Variants in PTPRT observed in about 807,000 individuals in gnomAD.
The protein encoded by PTPRT is receptor-type tyrosine-protein phosphatase T.
In PTPRT, 56 loss-of-function variants were observed where a neutral mutation model predicts 176.8. The ratio of observed to expected loss-of-function variants is 0.32; its 90% CI spans 0.26 to 0.40. The LOEUF is 0.40. Ranked by LOEUF, PTPRT falls within the 10% of genes least tolerant of loss-of-function variation. The pLI, the probability that PTPRT is intolerant of heterozygous loss-of-function variation, is 1.00. For synonymous variants in PTPRT, 783 were observed against 739.0 expected, an observed-to-expected ratio of 1.06 and a Z score of -0.96; for missense variants, 1,540 against 1,908.2, an observed-to-expected ratio of 0.81 and a Z score of 3.60.
chr20:42,332,456 C>T (rs2057979886), intron 11 of PTPRT, among the ~76,000 whole-genome samples: 1 of 152,096 alleles, frequency 6.6e-6, no homozygotes, highest in African/African-American at 2.4e-5. Flanking sequence ...GTGATTCTCC[C>T]ACCTGGGCTT....
intron 16 of PTPRT, among the ~76,000 whole-genome samples, chr20:42,197,828 G>T (rs377330554): frequency 6.6e-6 from 1 of 152,228 alleles, no homozygotes; most frequent in South Asian, 2.1e-4. Flanking sequence ...TCTAGGTAAA[G>T]GGTATATGAG....
At chr20:42,882,325 C>T (rs1057454456) in intron 2 of PTPRT, among the ~76,000 whole-genome samples, 3 of 152,132 alleles carry the variant, frequency 2.0e-5, no homozygotes, top group Non-Finnish European at 4.4e-5. Flanking sequence ...TTATCAAATG[C>T]CTCTATTTAG....
At chr20:42,843,001 G>A (rs548318900) in intron 2 of PTPRT, among the ~76,000 whole-genome samples, 1 of 152,130 alleles carries the variant, frequency 6.6e-6, no homozygotes, top group Non-Finnish European at 1.5e-5. Context: ...AGGGAGATAC[G>A]AACACCTAGA....
chr20:42,300,756 G>GTATTATTATTATTATTAT lies in PTPRT; in HGVS notation c.2139+14949_2139+14966dup, dbSNP rs533576322. 1.6e-3 allele frequency among the ~76,000 whole-genome samples: 244 copies of GTATTATTATTATTATTAT among 148,018 alleles called. 3 individuals are homozygous for GTATTATTATTATTATTAT. The highest frequency in any genetic ancestry group is 5.7e-3 in the African/African-American group (231 of 40,342). On this transcript the variant is annotated intron_variant, in intron 12 of 30. Coordinates refer to ENST00000373187, the MANE Select transcript of PTPRT (RefSeq NM_007050.6). ...TCATTTGGCAAACATCTTTTTATTT[G>GTATTATTATTATTATTAT]TATTATTATTATTATTATTATTATT...
chr20:43,091,459 T>TCC (rs1280138591), intron 1 of PTPRT, among the ~76,000 whole-genome samples: 5 of 146,874 alleles, frequency 3.4e-5, no homozygotes, highest in East Asian at 4.1e-4. Context: ...TCTCTCTCTC[T>TCC]CCCCCCTCTC....
rs576742476 is a variant in PTPRT, at chr20:43,141,994, G to T, written c.88+47652C>A. Among the ~76,000 whole-genome samples the T allele has an allele frequency of 1.1e-4, 16 of 152,288 alleles. No homozygotes were observed. In the South Asian group the frequency reaches 3.3e-3, roughly 32 times the overall value. On this transcript the variant is annotated intron_variant, in intron 1 of 30. Transcript: ENST00000373187. ...CACAGAAGAAAAAGCATGCGACGTG[G>T]AGTACAGAAGACTCAAGTCTAACCT...
Position 42,123,194 on chromosome 20 carries a change from G to T in PTPRT, c.2848-3223C>A, listed in dbSNP as rs115616837. Among the ~76,000 whole-genome samples the T allele has an allele frequency of 8.8e-3, 1,340 of 152,310 alleles. 16 individuals are homozygous for T. The highest frequency in any genetic ancestry group is 0.031 in the African/African-American group (1,277 of 41,564). ...GGAAGAAAAAGAGACCCTGGAGGAA[G>T]CTGTGATTTGGAAGATTCTAATGTG... On this transcript the variant is annotated intron_variant, in intron 19 of 30. Coordinates refer to ENST00000373187, the MANE Select transcript of PTPRT (RefSeq NM_007050.6).
At chr20:42,329,494 C>T (rs111766020) in intron 11 of PTPRT, among the ~76,000 whole-genome samples, 23 of 140,456 alleles carry the variant, frequency 1.6e-4, no homozygotes, top group African/African-American at 5.1e-4. Flanking sequence ...CACACACACA[C>T]ACACACACAT....
intron 1 of PTPRT, among the ~76,000 whole-genome samples, chr20:42,910,104 T>G (rs2079526100): frequency 6.6e-6 from 1 of 152,102 alleles, no homozygotes; most frequent in African/African-American, 2.4e-5. Context: ...CAGATATATT[T>G]CACATGAAGC....
At chr20:42,343,495 C>T (rs2058142444) in intron 11 of PTPRT, among the ~76,000 whole-genome samples, 1 of 152,206 alleles carries the variant, frequency 6.6e-6, no homozygotes, top group Non-Finnish European at 1.5e-5. Context: ...ACCTTCATTT[C>T]TTATCTGAAC....
At chr20:42,961,075 A>T (rs914560914) in intron 1 of PTPRT, among the ~76,000 whole-genome samples, 19 of 152,204 alleles carry the variant, frequency 1.2e-4, no homozygotes, top group South Asian at 2.1e-4. Context: ...TTCTTTTTTT[A>T]AAAAAATGAG....
chr20:42,546,086 T>C (rs2072668717), intron 7 of PTPRT, among the ~76,000 whole-genome samples: 1 of 152,228 alleles, frequency 6.6e-6, no homozygotes, highest in Non-Finnish European at 1.5e-5. Flanking sequence ...ATAGTAGCAC[T>C]TTTAATTTTC....
intron 7 of PTPRT, among the ~76,000 whole-genome samples, chr20:42,659,571 T>TGGGAGGTC (rs2075186735): frequency 6.6e-6 from 1 of 152,168 alleles, no homozygotes; most frequent in Non-Finnish European, 1.5e-5. Context: ...TCCCAGCCTG[T>TGGGAGGTC]GGGAGGTCTT....
At chr20:43,085,166 C>T (rs1233969766) in intron 1 of PTPRT, among the ~76,000 whole-genome samples, 2 of 152,172 alleles carry the variant, frequency 1.3e-5, no homozygotes, top group African/African-American at 4.8e-5. Flanking sequence ...CAGGGCCCTT[C>T]CTCAAAGCAG....
intron 9 of PTPRT, among the ~76,000 whole-genome samples, chr20:42,392,678 C>A (rs1460214142): frequency 6.6e-6 from 1 of 152,112 alleles, no homozygotes; most frequent in Non-Finnish European, 1.5e-5. Flanking sequence ...ATTGGAAAAG[C>A]CTGCCCGGGC....
At chr20:42,257,795 G>A (rs574315591) in intron 13 of PTPRT, among the ~76,000 whole-genome samples, 44 of 151,920 alleles carry the variant, frequency 2.9e-4, no homozygotes, top group Non-Finnish European at 5.9e-4. Flanking sequence ...ACAGAACCAT[G>A]AGCCAATGAA....
At chr20:42,689,731 C>T (rs1600614154) in intron 6 of PTPRT, among the ~76,000 whole-genome samples, 1 of 152,044 alleles carries the variant, frequency 6.6e-6, no homozygotes, top group African/African-American at 2.4e-5. Flanking sequence ...AGAAGGGAGG[C>T]AGGAGAGTCG....
intron 1 of PTPRT, among the ~76,000 whole-genome samples, chr20:43,001,895 A>G (rs543992826): frequency 6.6e-6 from 1 of 152,138 alleles, no homozygotes; most frequent in Non-Finnish European, 1.5e-5. Context: ...AACAAACAAA[A>G]AAAACCACCA....
intron 1 of PTPRT, among the ~76,000 whole-genome samples, chr20:43,123,170 T>C (rs963360963): frequency 6.6e-6 from 1 of 152,198 alleles, no homozygotes; most frequent in African/African-American, 2.4e-5. Context: ...TATTTCTTTA[T>C]GGCAGCACAA....
Sources: allele counts gnomAD v4.1 joint callset (sites outside exome capture counted in the v4.1 genomes callset), GRCh38; gene constraint gnomAD v4.1.1; transcripts MANE v1.5; gene names NCBI Gene and HGNC (gene_info 2026-07-23, HGNC 2026-07-21).